DMD: variants seen among roughly 807,000 people sequenced by gnomAD.
DMD encodes the protein mutant dystrophin.
In DMD, 63 loss-of-function variants were observed where a neutral mutation model predicts 330.1. That is an observed-to-expected ratio of 0.19 (90% confidence interval 0.16 to 0.24). The LOEUF (loss-of-function observed/expected upper bound fraction) is 0.24. Among genes scored for constraint, DMD ranks in the 10% least tolerant of loss-of-function variants. The pLI, the probability that DMD is intolerant of heterozygous loss-of-function variation, is 1.00. For missense variants in DMD, 3,344 were observed against 2,684.1 expected (o/e 1.25, Z -5.43); for synonymous variants, 1,223 against 959.8 (o/e 1.27, Z -5.07).
chrX:32,815,536 CAT>C (rs1180872402), intron 6 of DMD, among the ~76,000 whole-genome samples: 6 of 97,065 alleles, frequency 6.2e-5, no homozygotes, highest in African/African-American at 2.4e-4. Context: ...CACACACACA[CAT>C]ATATATACAT....
At chrX:31,604,463 G>C (rs2077515862) in intron 55 of DMD, among the ~76,000 whole-genome samples, 1 of 111,564 alleles carries the variant, frequency 9.0e-6, no homozygotes, top group African/African-American at 3.3e-5. Flanking sequence ...AGCGCCAAAA[G>C]ATTAGCAGCT....
At chrX:32,233,021 A>G (rs910936715) in intron 43 of DMD, among the ~76,000 whole-genome samples, 2 of 112,687 alleles carry the variant, frequency 1.8e-5, no homozygotes, top group Non-Finnish European at 3.7e-5. Flanking sequence ...ATTTTATTTC[A>G]CCACTGATTC....
intron 44 of DMD, among the ~76,000 whole-genome samples, chrX:32,118,799 G>A (rs1005256272): frequency 1.5e-4 from 17 of 110,375 alleles, no homozygotes; most frequent in East Asian, 2.9e-4. Context: ...GGAGAGGTGC[G>A]TGGGAGGCGA....
Position 33,009,225 on chromosome X carries a change from T to C in DMD, c.93+10914A>G, listed in dbSNP as rs1432617722. ...GTGTATATATACACATATGTGCATA[T>C]ATGTGTATATATACACATGTGCATA... is the stretch of plus-strand genomic sequence containing the variant. On this transcript the variant is annotated intron_variant, in intron 2 of 78. Coordinates refer to ENST00000357033, the MANE Select transcript of DMD (RefSeq NM_004006.3). Among the ~76,000 whole-genome samples the C allele has an allele frequency of 1.7e-4, 14 of 82,934 alleles. 4 individuals are homozygous for C. In the Admixed American group the frequency reaches 2.0e-3, roughly 12 times the overall value. The allele number at this position is 82,934 out of a possible 115,157, so 72.0% of individuals were successfully genotyped here.
At chrX:32,471,385 G>A (rs1400358062) in intron 22 of DMD, among the ~76,000 whole-genome samples, 2 of 111,822 alleles carry the variant, frequency 1.8e-5, no homozygotes, top group African/African-American at 6.5e-5. Context: ...AAAAAATGTA[G>A]CTATTAGAAT....
At chrX:33,202,373 G>A (rs2051326472) in intron 1 of DMD, among the ~76,000 whole-genome samples, 1 of 111,349 alleles carries the variant, frequency 9.0e-6, no homozygotes, top group Non-Finnish European at 1.9e-5. Context: ...TAATCTCCCT[G>A]TACCTCTACA....
At chrX:33,157,683 C>T (rs1459654101) in intron 1 of DMD, among the ~76,000 whole-genome samples, 3 of 112,250 alleles carry the variant, frequency 2.7e-5, no homozygotes, top group Non-Finnish European at 5.6e-5. Context: ...GGGCCAGGAG[C>T]GGTGGCTCAC....
upstream of DMD, among the ~76,000 whole-genome samples, chrX:33,215,851 C>T (rs1224316459): frequency 1.8e-5 from 2 of 111,527 alleles, no homozygotes; most frequent in Non-Finnish European, 3.8e-5. Flanking sequence ...CGCTTTGTTT[C>T]TGGGTTCACT....
chrX:32,445,518 T>G (rs973611532), intron 27 of DMD, among the ~76,000 whole-genome samples: 2 of 110,771 alleles, frequency 1.8e-5, no homozygotes, highest in African/African-American at 6.5e-5. Flanking sequence ...TTGTGAAATA[T>G]TTGATTAAGT....
chrX:32,689,211 T>G (rs1464084167), intron 9 of DMD, among the ~76,000 whole-genome samples: 1 of 110,914 alleles, frequency 9.0e-6, no homozygotes, highest in East Asian at 2.8e-4. Context: ...ACTAAATCAT[T>G]TTTTTAAAAA....
At chrX:32,725,895 G>A (rs2066824774) in intron 7 of DMD, among the ~76,000 whole-genome samples, 2 of 110,803 alleles carry the variant, frequency 1.8e-5, no homozygotes, top group Non-Finnish European at 3.8e-5. Flanking sequence ...TTCTCCATGT[G>A]ATTATTATTT....
chrX:31,900,640 G>A (rs1167273076), intron 47 of DMD, among the ~76,000 whole-genome samples: 3 of 111,428 alleles, frequency 2.7e-5, no homozygotes, highest in Non-Finnish European at 5.7e-5. Flanking sequence ...AAAGACACCC[G>A]AAAATGTGGA....
intron 29 of DMD, among the ~76,000 whole-genome samples, chrX:32,435,275 C>CATATAT (rs57376337): frequency 0.015 from 1,202 of 79,612 alleles, 36 homozygotes; most frequent in African/African-American, 0.046. Flanking sequence ...TATATACTTA[C>CATATAT]ATATATATAT....
chrX:31,456,948 C>T (rs2066229060), intron 59 of DMD, among the ~76,000 whole-genome samples: 1 of 105,230 alleles, frequency 9.5e-6, no homozygotes, highest in African/African-American at 3.5e-5. Flanking sequence ...CAATCATTAG[C>T]AGAGGTACAC....
chrX:31,495,929 C>T lies in DMD; in HGVS notation c.8547+859G>A, dbSNP rs143464070. On this transcript the variant is annotated intron_variant, in intron 57 of 78. Transcript: ENST00000357033. ...AAACTATAGAACTGCACTGTTCAATCGGTAGCTACTGGCAACATCTGGCTA... is the reference window on the plus strand; with the variant it reads ...AAACTATAGAACTGCACTGTTCAATTGGTAGCTACTGGCAACATCTGGCTA... Among the ~76,000 whole-genome samples the T allele has an allele frequency of 6.1e-3, 686 of 112,148 alleles. 5 individuals carry two copies. Among genetic ancestry groups the T allele is most frequent in the African/African-American group, 0.021 (661 of 30,893 alleles).
intron 7 of DMD, among the ~76,000 whole-genome samples, chrX:32,728,054 T>C (rs1029206695): frequency 1.2e-4 from 13 of 111,672 alleles, no homozygotes; most frequent in African/African-American, 3.9e-4. Flanking sequence ...AAAATGACAC[T>C]CCTCAGTTAG....
intron 1 of DMD, among the ~76,000 whole-genome samples, chrX:33,052,573 G>T (rs1430780793): frequency 9.0e-6 from 1 of 111,684 alleles, no homozygotes; most frequent in Non-Finnish European, 1.9e-5. Flanking sequence ...CATAGTCACA[G>T]AAAGAAAAAG....
intron 18 of DMD, among the ~76,000 whole-genome samples, chrX:32,504,990 T>C (rs978539226): frequency 2.7e-5 from 3 of 112,320 alleles, no homozygotes; most frequent in African/African-American, 9.7e-5. Context: ...GTAATTGTGG[T>C]GTTCATATAA....
intron 1 of DMD, among the ~76,000 whole-genome samples, chrX:33,043,627 A>G (rs1005512186): frequency 8.9e-6 from 1 of 112,057 alleles, no homozygotes; most frequent in Admixed American, 9.4e-5. Flanking sequence ...AATAGAAAAC[A>G]AAGAAGTTTT....
Sources: gnomAD v4.1 joint callset for allele counts (sites outside exome capture counted in the v4.1 genomes callset) on GRCh38, gnomAD v4.1.1 for gene constraint, MANE v1.5 for transcripts, NCBI Gene and HGNC (gene_info 2026-07-23, HGNC 2026-07-21) for gene names.